IGFN1: variants seen among roughly 807,000 people sequenced by gnomAD.
IGFN1 encodes immunoglobulin like and fibronectin type III domain containing 1, also known as immunoglobulin-like and fibronectin type III domain-containing protein 1.
Under a neutral mutation model 289.5 loss-of-function variants are expected in IGFN1, and 253 were observed. The ratio of observed to expected loss-of-function variants is 0.87; its 90% confidence interval spans 0.79 to 0.97. The LOEUF (loss-of-function observed/expected upper bound fraction) is 0.97. Ranked by LOEUF, IGFN1 falls within the 50% of genes least tolerant of loss-of-function variation. IGFN1 has a pLI of 0.00. For missense variants in IGFN1, 4,470 were observed against 4,686.1 expected (o/e 0.95, Z 1.35); for synonymous variants, 1,706 against 1,788.5 (o/e 0.95, Z 1.16).
chr1:201,217,451 C>T lies in IGFN1; in HGVS notation c.9760C>T (p.Pro3254Ser). Residue 3254 changes from proline to serine, a missense_variant, in exon 17 of 24, where the codon CCG becomes TCG. Pro to Ser is a moderately conservative substitution (Grantham distance 74, BLOSUM62 -1). This residue lies in a region of IGFN1 where 2,218 missense variants were observed against 2,114.1 expected (regional missense o/e 1.05). Coordinates refer to ENST00000335211, the MANE Select transcript of IGFN1 (RefSeq NM_001164586.2). Reference protein sequence around the residue: ...SNTWTAVNDQPVPERRWTVAD... With the variant: ...SNTWTAVNDQSVPERRWTVAD... Reference sequence around the variant, plus strand: ...CACCTGGACGGCAGTGAACGACCAGCCGGTGCCTGGTGAGCATTGTCCTGG... The same window carrying T: ...CACCTGGACGGCAGTGAACGACCAGTCGGTGCCTGGTGAGCATTGTCCTGG... The T allele has an allele frequency of 6.2e-7, 1 of 1,614,074 alleles. No individual in the cohort carries two copies. Among genetic ancestry groups the T allele is most frequent in the Non-Finnish European group, 8.5e-7 (1 of 1,179,952 alleles).
In IGFN1 at chr1:201,195,851, T is replaced by C. The variant is rs1367762124; in HGVS notation, c.140T>C (p.Val47Ala). ...TSALPEGKNA[V>A]FRAVVCGEPR... ...CTTCCTGCTGCAGGGAAAAATGCTG[T>C]CTTTCGGGCTGTGGTCTGTGGGGAG... Residue 47 changes from valine to alanine, a missense_variant, in exon 4 of 24, where the codon GTC (valine) becomes GCC (alanine). This residue lies in a region of IGFN1 where 2,011 missense variants were observed against 1,953.4 expected (regional missense o/e 1.03). Transcript: ENST00000335211. The C allele has an allele frequency of 2.6e-6, 4 of 1,551,460 alleles. No individual in the cohort carries two copies. Among genetic ancestry groups the C allele is most frequent in the East Asian group, 2.4e-5 (1 of 40,906 alleles).
In IGFN1 at chr1:201,203,857, G is replaced by C. The variant is rs1335160876; in HGVS notation, c.867G>C (p.Gln289His). ...GGCCTGAGGACTCTGGCATTTACCA[G>C]GTCAAGGTGGAGGATGCTGTGGTCT... ...DLRPEDSGIY[Q>H]VKVEDAVVFS... The change falls in exon 10 of 24, where the codon CAG (glutamine) becomes CAC (histidine). Residue 289 changes from glutamine (Q) to histidine (H), a missense_variant. Physicochemically the swap from Gln to His is conservative, Grantham distance 24 (BLOSUM62 0). Around this residue, in one of 8 missense-constraint regions of IGFN1, gnomAD observed 2,011 missense variants for 1,953.4 expected, o/e 1.03. Transcript: ENST00000335211. 6 of 1,551,722 alleles carry C rather than the reference G, an allele frequency of 3.9e-6. No homozygotes were observed. Among genetic ancestry groups the C allele is most frequent in the Non-Finnish European group, 5.2e-6 (6 of 1,147,002 alleles).
At chr1:201,196,651 T>G (rs906788285) in intron 4 of IGFN1, among the ~76,000 whole-genome samples, 1 of 152,104 alleles carries the variant, frequency 6.6e-6, no homozygotes, top group Non-Finnish European at 1.5e-5. Flanking sequence ...GGCCAGGAGT[T>G]GTTATGAGGA....
At chr1:201,197,409 G>T in intron 5 of IGFN1, 92 bp downstream of exon 5, 4 of 732,594 alleles carry the variant, frequency 5.5e-6, no homozygotes, top group Admixed American at 2.1e-5. Flanking sequence ...GAGGGGAGGG[G>T]AGGGAAGGGA....
rs1054207843 is a variant in IGFN1, at chr1:201,227,117, C to T, written c.11022C>T (p.Pro3674=). 5.6e-6 allele frequency: 9 copies of T among 1,613,446 alleles called. No individual in the cohort carries two copies. In the Admixed American group the frequency reaches 1.5e-4, roughly 27 times the overall value. ...DLLGVCSLTI[P]SVSPKDSGEY... ...TGGGCGTGTGCTCCCTCACCATCCC[C>T]AGCGTATCCCCGAAGGACAGCGGGG... The change falls in exon 23 of 24, where the codon CCC becomes CCT. Residue 3674 remains proline (P), a synonymous_variant. Coordinates refer to ENST00000335211, the MANE Select transcript of IGFN1 (RefSeq NM_001164586.2).
chr1:201,224,815 TG>T lies in IGFN1; in HGVS notation c.10429del (p.Val3477CysfsTer2), dbSNP rs768377462. The T allele has an allele frequency of 6.8e-6, 11 of 1,614,166 alleles. No individual in the cohort carries two copies. Among genetic ancestry groups the T allele is most frequent in the Non-Finnish European group, 9.3e-6 (11 of 1,180,010 alleles). Reference protein sequence around the residue: ...AGLSDSGLYTVVLRTLQGKEV... With the variant: ...AGLSDSGLYTXVLRTLQGKEV... Reference sequence around the variant, plus strand: ...CTCTCAGACAGTGGTCTCTACACTGTGGTGCTGAGGACCCTGCAGGGGAAGG... The same window carrying T: ...CTCTCAGACAGTGGTCTCTACACTGTGTGCTGAGGACCCTGCAGGGGAAGG... On this transcript the variant is annotated frameshift_variant, in exon 21 of 24. Coordinates refer to ENST00000335211, the MANE Select transcript of IGFN1 (RefSeq NM_001164586.2). LOFTEE classifies it high-confidence loss of function.
At chr1:201,222,145 C>G (rs566034582) in intron 19 of IGFN1, 1 of 167,520 alleles carries the variant, frequency 6.0e-6, no homozygotes, top group South Asian at 1.9e-4. Context: ...CCGCTCAGCT[C>G]CCATGGTTCA....
In IGFN1 at chr1:201,211,879, C is replaced by G; in HGVS notation, c.6986C>G (p.Thr2329Ser). 5 of 1,532,304 alleles carry G rather than the reference C, an allele frequency of 3.3e-6. No individual in the cohort carries two copies. Among genetic ancestry groups the G allele is most frequent in the Non-Finnish European group, 3.5e-6 (4 of 1,144,198 alleles). 94.9% of individuals were successfully genotyped at this position (1,532,304 alleles called of 1,614,324 possible). Residue 2329 changes from threonine (T) to serine (S), a missense_variant, in exon 12 of 24, where the codon ACT becomes AGT. Physicochemically the swap from Thr to Ser is moderately conservative, Grantham distance 58. Coordinates refer to ENST00000335211, the MANE Select transcript of IGFN1 (RefSeq NM_001164586.2). ...EAGSRQGFGGTSGMGSGSEVS... is the reference protein window; with the variant it reads ...EAGSRQGFGGSSGMGSGSEVS... Reference sequence around the variant, plus strand: ...GGTTCTAGGCAAGGCTTTGGGGGAACTAGTGGCATGGGGTCAGGGAGTGAG... The same window carrying G: ...GGTTCTAGGCAAGGCTTTGGGGGAAGTAGTGGCATGGGGTCAGGGAGTGAG...
At chr1:201,196,848 T>C (rs894027332) in intron 4 of IGFN1, among the ~76,000 whole-genome samples, 2 of 152,204 alleles carry the variant, frequency 1.3e-5, no homozygotes, top group African/African-American at 4.8e-5. Flanking sequence ...TTCACCACTT[T>C]TTTGAGGTAT....
chr1:201,216,264 C>G (rs1194566110), intron 15 of IGFN1, 190 bp from the exon 16 acceptor site: 8 of 603,736 alleles, frequency 1.3e-5, no homozygotes, highest in African/African-American at 1.9e-5. Context: ...GTGGAGACAT[C>G]TCAAGAATGT....
chr1:201,219,755 G>T (rs1482524213), intron 18 of IGFN1, among the ~76,000 whole-genome samples: 1 of 152,184 alleles, frequency 6.6e-6, no homozygotes, highest in Non-Finnish European at 1.5e-5. Context: ...AACCCAACAA[G>T]ACCGAAACAT....
chr1:201,207,126 C>T lies in IGFN1; in HGVS notation c.2233C>T (p.Pro745Ser), dbSNP rs1214818727. The T allele has an allele frequency of 6.5e-7, 1 of 1,536,946 alleles. No homozygotes were observed. Among genetic ancestry groups the T allele is most frequent in the Non-Finnish European group, 8.7e-7 (1 of 1,146,854 alleles). ...GRKFLLGDGS[P>S]EIKAEDSLQE... ...AAAATTCCTTCTGGGAGATGGGAGT[C>T]CTGAGATCAAAGCTGAAGACTCACT... The change falls in exon 12 of 24, where the codon CCT becomes TCT. Residue 745 changes from proline (P) to serine (S), a missense_variant. By Grantham distance (74) the Pro-to-Ser change is moderately conservative (BLOSUM62 -1). Coordinates refer to ENST00000335211, the MANE Select transcript of IGFN1 (RefSeq NM_001164586.2).
intron 4 of IGFN1, among the ~76,000 whole-genome samples, chr1:201,196,491 T>G (rs1401778797): frequency 6.6e-6 from 1 of 152,156 alleles, no homozygotes; most frequent in East Asian, 1.9e-4. Context: ...ATTACAGGCA[T>G]GCGCCATCAC....
rs530833391 is a variant in IGFN1, at chr1:201,208,792, C to A, written c.3899C>A (p.Ser1300Ter). The A allele has an allele frequency of 1.3e-6, 2 of 1,535,980 alleles. No homozygotes were observed. Among genetic ancestry groups the A allele is most frequent in the South Asian group, 2.4e-5 (2 of 83,942 alleles). ...KDLGAPENMG[S>*]GSKADYRDGV... ...TTGGGGGCTCCTGAGAATATGGGTT[C>A]GGGGAGCAAGGCAGATTATAGGGAT... Residue 1300 changes from serine to a stop codon, truncating the protein, a stop_gained, in exon 12 of 24, where the codon TCG becomes TAG. Coordinates refer to ENST00000335211, the MANE Select transcript of IGFN1 (RefSeq NM_001164586.2). LOFTEE classifies it high-confidence loss of function.
intron 1 of IGFN1, among the ~76,000 whole-genome samples, chr1:201,192,014 C>T (rs1025697904): frequency 7.9e-5 from 12 of 152,224 alleles, no homozygotes; most frequent in African/African-American, 2.9e-4. Flanking sequence ...TTGCAGCCCT[C>T]CCCCTGGCCG....
Position 201,208,114 on chromosome 1 carries a change from A to T in IGFN1, c.3221A>T (p.Asp1074Val), listed in dbSNP as rs925866384. 39 of 1,536,774 alleles carry T rather than the reference A, an allele frequency of 2.5e-5. No individual in the cohort carries two copies. In the African/African-American group the frequency reaches 4.9e-4, roughly 19 times the overall value. The change falls in exon 12 of 24, where the codon GAT (aspartate) becomes GTT (valine). Residue 1074 changes from aspartate (D) to valine (V), a missense_variant. Around this residue, in one of 8 missense-constraint regions of IGFN1, gnomAD observed 2,011 missense variants for 1,953.4 expected, o/e 1.03. Coordinates refer to ENST00000335211, the MANE Select transcript of IGFN1 (RefSeq NM_001164586.2). ...GACCCTAGGGGAGGGCACCATTCAG[A>T]TGGTGGCCTAGGGAGTCCTGGGGTG... ...GMDPRGGHHS[D>V]GGLGSPGVTG...
Position 201,211,575 on chromosome 1 carries a change from A to G in IGFN1, c.6682A>G (p.Ser2228Gly). The change falls in exon 12 of 24, where the codon AGT becomes GGT. Residue 2228 changes from serine (S) to glycine (G), a missense_variant. Ser to Gly is a moderately conservative substitution (Grantham distance 56). Around this residue, in one of 8 missense-constraint regions of IGFN1, gnomAD observed 2,218 missense variants for 2,114.1 expected, o/e 1.05. Transcript: ENST00000335211. Reference protein sequence around the residue: ...LGAPKGMGSGSKAGFRDGLGS... With the variant: ...LGAPKGMGSGGKAGFRDGLGS... ...GGCTCCTAAGGGAATGGGTTCAGGG[A>G]GTAAGGCAGGTTTCAGGGATGGTTT... is the stretch of plus-strand genomic sequence containing the variant. 1 of 1,534,476 alleles carries G rather than the reference A, an allele frequency of 6.5e-7. No homozygotes were observed.
At position 201,209,894 on chromosome 1, in the gene IGFN1, G is replaced by A. The variant is rs564340880; in HGVS notation, c.5001G>A (p.Gly1667=). The change falls in exon 12 of 24, where the codon GGG becomes GGA. Residue 1667 remains glycine, a synonymous_variant. Coordinates refer to ENST00000335211, the MANE Select transcript of IGFN1 (RefSeq NM_001164586.2). ...RDGLGSSGEM[G]SMDEAGYRKN... ...GTTTAGGGAGTTCTGGGGAAATGGG[G>A]TCAATGGATGAGGCAGGTTATAGGA... is the stretch of plus-strand genomic sequence containing the variant. 6.8e-7 allele frequency: 1 copy of A among 1,475,942 alleles called. No homozygotes were observed. Among genetic ancestry groups the A allele is most frequent in the Non-Finnish European group, 9.1e-7 (1 of 1,103,444 alleles). 91.4% of individuals were successfully genotyped at this position (1,475,942 alleles called of 1,614,324 possible). A position where few individuals can be genotyped will look rare whatever the true frequency, so the allele number is the denominator to read the frequency against.
chr1:201,196,592 G>A (rs976613692), intron 4 of IGFN1, among the ~76,000 whole-genome samples: 1 of 152,102 alleles, frequency 6.6e-6, no homozygotes, highest in African/African-American at 2.4e-5. Flanking sequence ...TGATCCATCC[G>A]CCTCGGCATC....
Sources: allele counts gnomAD v4.1 joint callset (sites outside exome capture counted in the v4.1 genomes callset), GRCh38; gene constraint gnomAD v4.1.1; regional missense constraint gnomAD v4.1.1; transcripts MANE v1.5; gene names NCBI Gene and HGNC (gene_info 2026-07-23, HGNC 2026-07-21).